The following DPP3 variants were observed in gnomAD, a reference collection of about 807,000 sequenced individuals.
DPP3 encodes the protein DPP III.
DPP3 carries 64 observed loss-of-function variants against 89.8 expected under a neutral mutation model. The observed-to-expected ratio is 0.71, with a 90% CI of 0.58 to 0.88. The LOEUF (loss-of-function observed/expected upper bound fraction) is 0.88, where lower values mean the gene tolerates loss of function less well. DPP3 is among the 40% of genes least tolerant of loss of function. The probability of loss-of-function intolerance (pLI) is 0.00; values close to 1 mark genes in which losing one functional copy is unlikely to be tolerated. For synonymous variants in DPP3, 377 were observed against 404.3 expected (o/e 0.93, Z 0.81); for missense variants, 835 against 972.5 (o/e 0.86, Z 1.88).
At chr11:66,484,727 C>T (rs1235705095) in intron 2 of DPP3, among the ~76,000 whole-genome samples, 4 of 115,896 alleles carry the variant, frequency 3.5e-5, no homozygotes, top group Non-Finnish European at 4.9e-5. Context: ...AGATCTGGGG[C>T]CAGCAGAAGC....
intron 17 of DPP3, among the ~76,000 whole-genome samples, chr11:66,506,811 T>C (rs1003803716): frequency 6.6e-6 from 1 of 152,134 alleles, no homozygotes; most frequent in Admixed American, 6.6e-5. Context: ...CTTCCGCTCC[T>C]TGTAAAACGG....
Position 66,491,635 on chromosome 11 carries a change from A to G in DPP3, c.929+11A>G. ...CCCCATCGTGGAGAGGTGAGGCGCC[A>G]GCTCCACCCCACCTGCCCCCTCCTG... On this transcript the variant is annotated intron_variant, in intron 8 of 17. Coordinates refer to ENST00000531863, the MANE Select transcript of DPP3 (RefSeq NM_130443.4). 6.2e-7 allele frequency: 1 copy of G among 1,611,246 alleles called. No individual in the cohort carries two copies. Among genetic ancestry groups the G allele is most frequent in the Non-Finnish European group, 8.5e-7 (1 of 1,177,812 alleles).
Position 66,509,471 on chromosome 11 carries a change from G to C in DPP3, c.*220G>C. ...TCTCATTTCATCTGCACTGCCATAC[G>C]TGGAGTGAGCAAGACAGGGCTTACC... On this transcript the variant is annotated 3_prime_UTR_variant, in exon 18 of 18. Transcript: ENST00000531863. 1 of 1,447,498 alleles carries C rather than the reference G, an allele frequency of 6.9e-7. No individual in the cohort carries two copies. Among genetic ancestry groups the C allele is most frequent in the Non-Finnish European group, 9.4e-7 (1 of 1,066,792 alleles). 89.7% of individuals were successfully genotyped at this position (1,447,498 alleles called of 1,614,324 possible).
intron 16 of DPP3, among the ~76,000 whole-genome samples, chr11:66,500,375 C>T (rs1410389813): frequency 1.3e-5 from 2 of 152,046 alleles, no homozygotes; most frequent in Admixed American, 6.6e-5. Flanking sequence ...AAAGAAGAAA[C>T]TTTTTTTAAA....
rs937656396 is a variant in DPP3, at chr11:66,499,757, G to A, written c.1878+2280G>A. Reference sequence around the variant, plus strand: ...TGCCCTCCTGCTTGGGTGACACAGCGAAACACTGCCTCAAAAAGAAAAAAA... The same window carrying A: ...TGCCCTCCTGCTTGGGTGACACAGCAAAACACTGCCTCAAAAAGAAAAAAA... On this transcript the variant is annotated intron_variant, in intron 16 of 17. Coordinates refer to ENST00000531863, the MANE Select transcript of DPP3 (RefSeq NM_130443.4). Among the ~76,000 whole-genome samples, 10 of 151,356 alleles carry A rather than the reference G, an allele frequency of 6.6e-5. No homozygotes were observed. In the South Asian group the frequency reaches 8.3e-4, roughly 13 times the overall value.
rs1360381153 is a variant in DPP3 at position 66,493,543 on chromosome 11, C to A, written c.1299C>A (p.Asp433Glu). Residue 433 changes from aspartate to glutamate, a missense_variant and splice_region_variant, in exon 12 of 18, where the codon GAC becomes GAA. Coordinates refer to ENST00000531863, the MANE Select transcript of DPP3 (RefSeq NM_130443.4). ...KLTFLEEDDK[D>E]LYILWKGPSF... is the part of the protein sequence containing the mutation. ...CGGGTCTCTGCTTGTCTTGGCAGGA[C>A]CTGTACATCCTCTGGAAGGGGCCCT... is the stretch of plus-strand genomic sequence containing the variant. The A allele has an allele frequency of 5.6e-6, 9 of 1,612,914 alleles. No homozygotes were observed. Among genetic ancestry groups the A allele is most frequent in the Non-Finnish European group, 7.6e-6 (9 of 1,179,864 alleles).
intron 1 of DPP3, among the ~76,000 whole-genome samples, chr11:66,481,259 C>T (rs1218921920): frequency 1.3e-5 from 2 of 152,172 alleles, no homozygotes; most frequent in African/African-American, 2.4e-5. Flanking sequence ...GAGGCCAAGG[C>T]AAGCAGATCG....
Position 66,486,582 on chromosome 11 carries a change from C to T in DPP3, c.403C>T (p.Gln135Ter), listed in dbSNP as rs1448584374. 3 of 1,579,064 alleles carry T rather than the reference C, an allele frequency of 1.9e-6. No individual in the cohort carries two copies. Among genetic ancestry groups the T allele is most frequent in the Non-Finnish European group, 2.6e-6 (3 of 1,162,588 alleles). Residue 135 changes from glutamine (Q) to a stop codon, truncating the protein, a stop_gained, in exon 4 of 18, where the codon CAG (glutamine) becomes TAG (stop). Coordinates refer to ENST00000531863, the MANE Select transcript of DPP3 (RefSeq NM_130443.4). LOFTEE classifies it high-confidence loss of function. ...GATCCTAGGGAGTGAGGCTGCTCAG[C>T]AGCACCCAGAAGAAGTCAGGGGCCT... ...RVILGSEAAQQHPEEVRGLWQ... is the reference protein window; with the variant it reads ...RVILGSEAAQ
intron 17 of DPP3, among the ~76,000 whole-genome samples, chr11:66,508,040 C>G (rs1855847776): frequency 6.6e-6 from 1 of 152,164 alleles, no homozygotes; most frequent in Admixed American, 6.5e-5. Flanking sequence ...GGTTATTATC[C>G]TCATTTTTCA....
chr11:66,486,020 C>T (rs1312843646), intron 3 of DPP3, among the ~76,000 whole-genome samples: 1 of 152,062 alleles, frequency 6.6e-6, no homozygotes, highest in East Asian at 1.9e-4. Flanking sequence ...CAGCTCACTG[C>T]AACCTCAACT....
At chr11:66,486,469 A>C in intron 3 of DPP3, 71 bp from the exon 4 acceptor site, 1 of 1,403,666 alleles carries the variant, frequency 7.1e-7, no homozygotes, top group East Asian at 2.7e-5. Context: ...AGAGCTTGGG[A>C]GTGGGTAGGG....
chr11:66,497,077 G>A (rs561464891), intron 15 of DPP3, among the ~76,000 whole-genome samples: 68 of 152,228 alleles, frequency 4.5e-4, no homozygotes, highest in Non-Finnish European at 8.4e-4. Flanking sequence ...TCCTAGGGCA[G>A]CCTGCCCTCT....
chr11:66,492,481 G>A, intron 9 of DPP3: 1 of 485,734 alleles, frequency 2.1e-6, no homozygotes, highest in Non-Finnish European at 3.6e-6. Context: ...CCAGGCCCAG[G>A]GAGAAGGGGC....
chr11:66,495,380 C>T lies in DPP3; in HGVS notation c.1468C>T (p.Arg490Trp), dbSNP rs145692426. The change falls in exon 14 of 18, where the codon CGG (arginine) becomes TGG (tryptophan). Residue 490 changes from arginine (R) to tryptophan (W), a missense_variant. Arg to Trp is a moderately radical substitution (Grantham distance 101). Transcript: ENST00000531863. ...CCTTTTCCAGATTCAGAGCTGGTAT[C>T]GGAGCGGGGAGACCTGGGATAGCAA... The part of the protein sequence containing the change: ...ETGEQIQSWY[R>W]SGETWDSKFS... 14 of 1,613,802 alleles carry T rather than the reference C, an allele frequency of 8.7e-6. No individual in the cohort carries two copies. Among genetic ancestry groups the T allele is most frequent in the East Asian group, 2.2e-5 (1 of 44,882 alleles).
chr11:66,484,530 AT>A, intron 2 of DPP3, among the ~76,000 whole-genome samples: 1 of 152,158 alleles, frequency 6.6e-6, no homozygotes, highest in South Asian at 2.1e-4. Flanking sequence ...CTCTTTGCCA[AT>A]GGGAAATGTC....
At chr11:66,491,981 C>T (rs569964349) in intron 9 of DPP3, among the ~76,000 whole-genome samples, 1 of 152,362 alleles carries the variant, frequency 6.6e-6, no homozygotes, top group African/African-American at 2.4e-5. Context: ...TATTTATCTT[C>T]ACTTTGCAGA....
Position 66,491,397 on chromosome 11 carries a change from G to T in DPP3, c.798+14G>T, listed in dbSNP as rs1484525592. On this transcript the variant is annotated intron_variant, in intron 7 of 17. Coordinates refer to ENST00000531863, the MANE Select transcript of DPP3 (RefSeq NM_130443.4). ...GAGAAAGCCAAGGTTGGACTGGCTGGGGGCTGAGGGGTGCGGGCTGAGGAC... is the reference window on the plus strand; with the variant it reads ...GAGAAAGCCAAGGTTGGACTGGCTGTGGGCTGAGGGGTGCGGGCTGAGGAC... 4 of 1,612,036 alleles carry T rather than the reference G, an allele frequency of 2.5e-6. No homozygotes were observed. The highest frequency in any genetic ancestry group is 3.4e-6 in the Non-Finnish European group (4 of 1,178,830).
intron 16 of DPP3, among the ~76,000 whole-genome samples, chr11:66,501,439 A>G (rs1017971527): frequency 2.6e-5 from 4 of 152,094 alleles, no homozygotes; most frequent in African/African-American, 9.7e-5. Flanking sequence ...GACTACATAC[A>G]CAGCAGTGAG....
chr11:66,489,572 C>T (rs750133888), intron 6 of DPP3, among the ~76,000 whole-genome samples: 6 of 152,202 alleles, frequency 3.9e-5, no homozygotes, highest in South Asian at 2.1e-4. Flanking sequence ...GCCCTGGAGC[C>T]GGACTGCCCG....
Sources: allele counts gnomAD v4.1 joint callset (sites outside exome capture counted in the v4.1 genomes callset), GRCh38; gene constraint gnomAD v4.1.1; transcripts MANE v1.5; gene names NCBI Gene and HGNC (gene_info 2026-07-23, HGNC 2026-07-21).